Variants in AP4E1 observed in about 807,000 individuals in gnomAD.
AP4E1 encodes adaptor related protein complex 4 subunit epsilon 1.
Under a neutral mutation model 128.2 loss-of-function variants are expected in AP4E1, and 56 were observed. The observed-to-expected ratio is 0.44, with a 90% CI of 0.35 to 0.55. The LOEUF (loss-of-function observed/expected upper bound fraction) is 0.55, where lower values mean the gene tolerates loss of function less well. Among genes scored for constraint, AP4E1 ranks in the 20% least tolerant of loss-of-function variants. The probability of loss-of-function intolerance (pLI) is 0.00; values close to 1 mark genes in which losing one functional copy is unlikely to be tolerated. For synonymous variants in AP4E1, 484 were observed against 473.1 expected, an observed-to-expected ratio of 1.02 and a Z score of -0.30; for missense variants, 1,324 against 1,307.7, an observed-to-expected ratio of 1.01 and a Z score of -0.19.
In AP4E1 at chr15:50,941,554, A is replaced by G. The variant is rs2063988715; in HGVS notation, c.1056A>G (p.Leu352=). Reference sequence around the variant, plus strand: ...TTGTTCTGTCACCTAAAATAAATCTAAAATATTTAGGTAAGATGATTGGTT... The same window carrying G: ...TTGTTCTGTCACCTAAAATAAATCTGAAATATTTAGGTAAGATGATTGGTT... ...GKFVLSPKIN[L]KYLGLKALTY... The change falls in exon 9 of 21, where the codon CTA becomes CTG. Residue 352 remains leucine, a synonymous_variant. Coordinates refer to ENST00000261842, the MANE Select transcript of AP4E1 (RefSeq NM_007347.5). 1.2e-6 allele frequency: 2 copies of G among 1,612,682 alleles called. No individual in the cohort carries two copies. The highest frequency in any genetic ancestry group is 1.1e-5 in the South Asian group (1 of 91,022).
At chr15:50,976,152 G>T (rs563247268) in intron 15 of AP4E1, among the ~76,000 whole-genome samples, 2 of 152,168 alleles carry the variant, frequency 1.3e-5, no homozygotes, top group East Asian at 3.9e-4. Flanking sequence ...AAAATACTAG[G>T]AAACTGAACT....
intron 7 of AP4E1, among the ~76,000 whole-genome samples, chr15:50,933,219 A>G (rs76135475): frequency 0.047 from 7,108 of 152,268 alleles, 171 homozygotes; most frequent in African/African-American, 0.072. Flanking sequence ...GTTATGGAAC[A>G]TTAGAATGTT....
chr15:50,989,341 A>T (rs966882067), intron 16 of AP4E1, among the ~76,000 whole-genome samples: 5 of 152,160 alleles, frequency 3.3e-5, no homozygotes, highest in African/African-American at 1.2e-4. Context: ...GAAATCAGTC[A>T]TCTTATTTTA....
In AP4E1 at chr15:50,912,093, A is replaced by G; in HGVS notation, c.166A>G (p.Ile56Val). The G allele has an allele frequency of 6.2e-7, 1 of 1,614,124 alleles. No homozygotes were observed. ...LTSKHEEEKL[I>V]QQELSSLKAT... ...ACTTTCTCAGGAAGAAGAAAAATTA[A>G]TCCAGCAGGAACTGAGTAGTCTGAA... Residue 56 changes from isoleucine (I) to valine (V), a missense_variant, in exon 2 of 21, where the codon ATC becomes GTC. Transcript: ENST00000261842.
intron 7 of AP4E1, among the ~76,000 whole-genome samples, chr15:50,934,021 C>G (rs1331426270): frequency 4.6e-5 from 7 of 151,996 alleles, no homozygotes; most frequent in African/African-American, 1.7e-4. Flanking sequence ...TGCTAGGGCA[C>G]TAATGCACTT....
chr15:50,923,836 G>T, intron 3 of AP4E1, 95 bp from the exon 4 acceptor site: 1 of 872,690 alleles, frequency 1.1e-6, no homozygotes, highest in Non-Finnish European at 1.9e-6. Context: ...CTTGTAACTG[G>T]TATCTTTGAT....
chr15:51,001,561 C>T (rs1433180211), intron 20 of AP4E1, among the ~76,000 whole-genome samples: 2 of 152,184 alleles, frequency 1.3e-5, no homozygotes, highest in African/African-American at 4.8e-5. Context: ...TACCTCTTGT[C>T]TCTATGAACT....
In AP4E1 at chr15:50,929,163, A is replaced by C. The variant is rs143098752; in HGVS notation, c.697A>C (p.Ile233Leu). 3.1e-6 allele frequency: 5 copies of C among 1,613,596 alleles called. No homozygotes were observed. The change falls in exon 6 of 21, where the codon ATT (isoleucine) becomes CTT (leucine). Residue 233 changes from isoleucine (I) to leucine (L), a missense_variant. Physicochemically the swap from Ile to Leu is conservative, Grantham distance 5 (BLOSUM62 2). Coordinates refer to ENST00000261842, the MANE Select transcript of AP4E1 (RefSeq NM_007347.5). ...AASLHIYLRM[I>L]KENSSGYKDL... Reference sequence around the variant, plus strand: ...CTCCTTGCATATATATCTTAGAATGATTAAGGTAAGTTGGAAATTTTAGCA... The same window carrying C: ...CTCCTTGCATATATATCTTAGAATGCTTAAGGTAAGTTGGAAATTTTAGCA...
chr15:50,974,437 T>G (rs908940815), intron 15 of AP4E1, among the ~76,000 whole-genome samples: 3 of 152,130 alleles, frequency 2.0e-5, no homozygotes, highest in Middle Eastern at 6.8e-3. Context: ...TGGTTCATTT[T>G]TAATTTTTTG....
chr15:50,909,066 TC>T, intron 1 of AP4E1, 138 bp downstream of exon 1: 1 of 1,369,868 alleles, frequency 7.3e-7, no homozygotes, highest in Non-Finnish European at 9.7e-7. Flanking sequence ...TGTCGGTTCG[TC>T]CTTTCGTCTG....
chr15:50,915,810 T>G (rs1270938667), intron 3 of AP4E1: 1 of 499,280 alleles, frequency 2.0e-6, no homozygotes, highest in Non-Finnish European at 3.6e-6. Context: ...GTGATGGCGG[T>G]TAGATGACTA....
At position 50,958,808 on chromosome 15, in the gene AP4E1, G is replaced by A; in HGVS notation, c.1851+14G>A. ...GAAGACTTGGTGGTAAGACATTGGT[G>A]TTCCATCTTTTTAAAAATTGCGTTG... On this transcript the variant is annotated intron_variant, in intron 14 of 20. Transcript: ENST00000261842. 1.9e-6 allele frequency: 3 copies of A among 1,613,530 alleles called. No individual in the cohort carries two copies. Among genetic ancestry groups the A allele is most frequent in the Non-Finnish European group, 2.5e-6 (3 of 1,179,582 alleles).
At chr15:50,983,710 T>C (rs1235025003) in intron 15 of AP4E1, among the ~76,000 whole-genome samples, 2 of 152,220 alleles carry the variant, frequency 1.3e-5, no homozygotes, top group Non-Finnish European at 2.9e-5. Flanking sequence ...AGCAGCGACT[T>C]TTCAGTAGAC....
rs186231793 is a variant in AP4E1 at position 50,933,982 on chromosome 15, A to T, written c.870-642A>T. Among the ~76,000 whole-genome samples, 211 of 152,076 alleles carry T rather than the reference A, an allele frequency of 1.4e-3. 2 individuals carry two copies. Among genetic ancestry groups the T allele is most frequent in the Admixed American group, 5.3e-3 (81 of 15,260 alleles). On this transcript the variant is annotated intron_variant, in intron 7 of 20. Coordinates refer to ENST00000261842, the MANE Select transcript of AP4E1 (RefSeq NM_007347.5). ...TTTTCACATTGGCCTCTTGGAGAGG[A>T]TATTTGTCTAACAAGCGTGGAGGCA...
rs541009800 is a variant in AP4E1, at chr15:50,963,819, C to T, written c.1852-4444C>T. Among the ~76,000 whole-genome samples the T allele has an allele frequency of 2.2e-4, 33 of 152,312 alleles. No homozygotes were observed. In the South Asian group the frequency reaches 6.0e-3, roughly 28 times the overall value. Reference sequence around the variant, plus strand: ...TGCATGTATCAAAGAATCGTATGTACGCCAGATATGTATGTCTTTTAAAAT... The same window carrying T: ...TGCATGTATCAAAGAATCGTATGTATGCCAGATATGTATGTCTTTTAAAAT... On this transcript the variant is annotated intron_variant, in intron 14 of 20. Coordinates refer to ENST00000261842, the MANE Select transcript of AP4E1 (RefSeq NM_007347.5).
Position 50,999,177 on chromosome 15 carries a change from AC to A in AP4E1, c.3011del (p.Thr1004MetfsTer8), listed in dbSNP as rs2064923081. ...AAAACCTTTTACAGAAGGAAATCTT[AC>A]TGGTTTTATTAGTTATCATATGATG... is the stretch of plus-strand genomic sequence containing the variant. ...IEKPFTEGNL[T>X]GFISYHMMDT... is the part of the protein sequence containing the mutation. On this transcript the variant is annotated frameshift_variant, in exon 19 of 21. Transcript: ENST00000261842. LOFTEE classifies it high-confidence loss of function. 1 of 1,613,792 alleles carries A rather than the reference AC, an allele frequency of 6.2e-7. No homozygotes were observed. The highest frequency in any genetic ancestry group is 8.5e-7 in the Non-Finnish European group (1 of 1,179,852).
At chr15:50,963,726 A>T (rs1386006820) in intron 14 of AP4E1, among the ~76,000 whole-genome samples, 1 of 152,246 alleles carries the variant, frequency 6.6e-6, no homozygotes, top group Non-Finnish European at 1.5e-5. Context: ...AAATGTTCCC[A>T]ACACAAATGA....
chr15:50,997,975 T>C, intron 18 of AP4E1, 92 bp downstream of exon 18: 1 of 1,008,264 alleles, frequency 9.9e-7, no homozygotes, highest in Non-Finnish European at 1.4e-6. Context: ...ACTTTTGTCA[T>C]AAACACTAAA....
chr15:50,937,667 G>A (rs1182454854), intron 8 of AP4E1, among the ~76,000 whole-genome samples: 1 of 152,186 alleles, frequency 6.6e-6, no homozygotes, highest in Non-Finnish European at 1.5e-5. Flanking sequence ...GGGATTTACT[G>A]ATGTGATAGG....
Sources: allele counts gnomAD v4.1 joint callset (sites outside exome capture counted in the v4.1 genomes callset), GRCh38; gene constraint gnomAD v4.1.1; transcripts MANE v1.5; gene names NCBI Gene and HGNC (gene_info 2026-07-23, HGNC 2026-07-21).